The following KALRN variants were observed in gnomAD, a reference collection of about 807,000 sequenced individuals.
KALRN encodes the protein kalirin RhoGEF kinase.
Under a neutral mutation model 353.7 loss-of-function variants are expected in KALRN, and 70 were observed. That is an observed-to-expected ratio of 0.20 (90% CI 0.16 to 0.24). The LOEUF is 0.24. Among genes scored for constraint, KALRN ranks in the 10% least tolerant of loss-of-function variants. The probability of loss-of-function intolerance (pLI) is 1.00; values close to 1 mark genes in which losing one functional copy is unlikely to be tolerated. For synonymous variants in KALRN, 1,391 were observed against 1,434.8 expected (o/e 0.97, Z 0.69); for missense variants, 2,791 against 3,756.7 (o/e 0.74, Z 6.72).
chr3:124,408,335 G>A (rs1212464710), intron 13 of KALRN, among the ~76,000 whole-genome samples: 1 of 152,284 alleles, frequency 6.6e-6, no homozygotes, highest in East Asian at 1.9e-4. Context: ...AGTGAGAATA[G>A]TAAAAAGAAA....
At chr3:124,560,212 TGCTCTAACAGTC>T (rs2071796337) in intron 33 of KALRN, among the ~76,000 whole-genome samples, 1 of 152,246 alleles carries the variant, frequency 6.6e-6, no homozygotes, top group African/African-American at 2.4e-5. Flanking sequence ...AGGCCCCTTC[TGCTCTAACAGTC>T]TGCAAAAGGA....
intron 25 of KALRN, among the ~76,000 whole-genome samples, chr3:124,466,537 A>T (rs2107793362): frequency 6.6e-6 from 1 of 152,326 alleles, no homozygotes; most frequent in Admixed American, 6.5e-5. Flanking sequence ...TTTTGTTTAA[A>T]ATGCTCATCA....
chr3:124,703,747 C>T (rs2062459431), intron 57 of KALRN, among the ~76,000 whole-genome samples: 1 of 152,186 alleles, frequency 6.6e-6, no homozygotes. Context: ...AAGCTATCCT[C>T]CCACGCTTGC....
intron 3 of KALRN, among the ~76,000 whole-genome samples, chr3:124,237,709 A>G (rs1219573745): frequency 6.6e-6 from 1 of 152,214 alleles, no homozygotes; most frequent in Non-Finnish European, 1.5e-5. Flanking sequence ...TATGTAGTCA[A>G]CAAGTATTTA....
At chr3:124,370,838 A>G (rs1333939770) in intron 10 of KALRN, among the ~76,000 whole-genome samples, 4 of 152,190 alleles carry the variant, frequency 2.6e-5, no homozygotes, top group East Asian at 3.8e-4. Context: ...TGAGATGTCT[A>G]TGGTGTTGGC....
chr3:124,335,715 C>T (rs781458335), intron 9 of KALRN, among the ~76,000 whole-genome samples: 1 of 152,120 alleles, frequency 6.6e-6, no homozygotes, highest in Non-Finnish European at 1.5e-5. Context: ...TGGACGCACT[C>T]GTGTTCAAAC....
At chr3:124,336,177 G>A (rs3821525) in intron 9 of KALRN, among the ~76,000 whole-genome samples, 114,568 of 151,986 alleles carry the variant, frequency 0.75, 43,765 homozygotes, top group African/African-American at 0.86. Context: ...TGGAGCATCA[G>A]TTGAGTTATC....
At chr3:124,055,204 A>G (rs937302796) in intron 1 of KALRN, among the ~76,000 whole-genome samples, 5 of 152,252 alleles carry the variant, frequency 3.3e-5, no homozygotes, top group Non-Finnish European at 5.9e-5. Flanking sequence ...GAGGGCATGC[A>G]TAGGACTTGG....
chr3:124,639,141 C>T (rs956074044), intron 37 of KALRN, among the ~76,000 whole-genome samples: 9 of 152,102 alleles, frequency 5.9e-5, no homozygotes, highest in Admixed American at 3.3e-4. Context: ...GGCTTTCTTC[C>T]CTCCAAGTTT....
At chr3:124,270,640 G>A (rs1028033506) in intron 5 of KALRN, among the ~76,000 whole-genome samples, 2 of 151,960 alleles carry the variant, frequency 1.3e-5, no homozygotes, top group South Asian at 2.1e-4. Context: ...TTGCCCAGTG[G>A]CCTGGAAGCC....
chr3:124,367,502 GGC>G (rs2085019750), intron 10 of KALRN, among the ~76,000 whole-genome samples: 1 of 111,778 alleles, frequency 8.9e-6, no homozygotes, highest in Non-Finnish European at 1.9e-5. Context: ...CAGCTGGCCG[GGC>G]GGGGGGGCTG....
chr3:124,211,281 G>A (rs1401240071), intron 1 of KALRN, among the ~76,000 whole-genome samples: 1 of 152,214 alleles, frequency 6.6e-6, no homozygotes, highest in Non-Finnish European at 1.5e-5. Context: ...AAGGAATAGT[G>A]ATGCTAAGTT....
At chr3:124,499,014 G>A (rs1400188281) in intron 33 of KALRN, among the ~76,000 whole-genome samples, 1 of 152,138 alleles carries the variant, frequency 6.6e-6, no homozygotes, top group Non-Finnish European at 1.5e-5. Context: ...GGCAAACAAG[G>A]GTGCTGTGGG....
intron 6 of KALRN, among the ~76,000 whole-genome samples, chr3:124,313,530 A>C (rs1560535942): frequency 1.3e-5 from 2 of 152,128 alleles, no homozygotes; most frequent in South Asian, 4.1e-4. Context: ...TTAATTTATG[A>C]CCCTTGCTCT....
intron 22 of KALRN, among the ~76,000 whole-genome samples, chr3:124,455,844 A>G (rs2059259182): frequency 6.6e-6 from 1 of 152,216 alleles, no homozygotes; most frequent in Admixed American, 6.5e-5. Context: ...GGGAAGATGG[A>G]CTTTTAATCT....
chr3:124,268,133 A>G (rs887338956), intron 4 of KALRN, among the ~76,000 whole-genome samples: 1 of 152,178 alleles, frequency 6.6e-6, no homozygotes, highest in African/African-American at 2.4e-5. Flanking sequence ...CTTCCTGGAG[A>G]CAAACATTCT....
intron 1 of KALRN, among the ~76,000 whole-genome samples, chr3:124,155,030 T>C (rs2068769305): frequency 6.6e-6 from 1 of 152,206 alleles, no homozygotes; most frequent in African/African-American, 2.4e-5. Flanking sequence ...ATTTAATAAA[T>C]GGTGCTGGGA....
chr3:124,303,925 G>T (rs894445823), intron 6 of KALRN, among the ~76,000 whole-genome samples: 4 of 152,086 alleles, frequency 2.6e-5, no homozygotes, highest in Admixed American at 1.3e-4. Flanking sequence ...GGAAAAATCA[G>T]ATCTGGTATG....
chr3:124,519,205 T>A, intron 33 of KALRN: 2 of 978,500 alleles, frequency 2.0e-6, no homozygotes, highest in Non-Finnish European at 2.4e-6. Context: ...GTGGGAAGAG[T>A]GAGAAGATAT....
Sources: gnomAD v4.1 joint callset for allele counts (sites outside exome capture counted in the v4.1 genomes callset) on GRCh38, gnomAD v4.1.1 for gene constraint, MANE v1.5 for transcripts, NCBI Gene and HGNC (gene_info 2026-07-23, HGNC 2026-07-21) for gene names.